Variants in ILDR1 observed in about 807,000 individuals in gnomAD.
ILDR1 encodes immunoglobulin like domain containing receptor 1.
A neutral mutation model predicts 62.4 loss-of-function variants in ILDR1; 56 were observed. The ratio of observed to expected loss-of-function variants is 0.90; its 90% CI spans 0.72 to 1.12. The LOEUF (loss-of-function observed/expected upper bound fraction) is 1.12. Among genes scored for constraint, ILDR1 ranks in the 50% most tolerant of loss-of-function variants. The pLI, the probability that ILDR1 is intolerant of heterozygous loss-of-function variation, is 0.00. For synonymous variants in ILDR1, 284 were observed against 277.8 expected, an observed-to-expected ratio of 1.02 and a Z score of -0.22; for missense variants, 736 against 710.6, an observed-to-expected ratio of 1.04 and a Z score of -0.41.
chr3:121,990,782 T>C (rs1238854312), intron 7 of ILDR1, among the ~76,000 whole-genome samples: 1 of 152,188 alleles, frequency 6.6e-6, no homozygotes, highest in African/African-American at 2.4e-5. Context: ...CATGAATTAT[T>C]GAAAGGGCAC....
chr3:122,037,908 G>C, the ILDR1 span, among the ~76,000 whole-genome samples: 1 of 151,998 alleles, frequency 6.6e-6, no homozygotes, highest in Non-Finnish European at 1.5e-5. Flanking sequence ...TGGCTTAAAA[G>C]TGTGTGGTAC....
At chr3:122,002,559 T>C (rs978375536) in intron 3 of ILDR1, among the ~76,000 whole-genome samples, 8 of 152,174 alleles carry the variant, frequency 5.3e-5, no homozygotes, top group Non-Finnish European at 1.5e-5. Context: ...GCACTCAGGT[T>C]TTTTGTGTAC....
At chr3:122,026,308 A>C (rs1419133218), upstream of ILDR1, among the ~76,000 whole-genome samples, 1 of 152,216 alleles carries the variant, frequency 6.6e-6, no homozygotes, top group Non-Finnish European at 1.5e-5. Context: ...AACTGTTACT[A>C]TAGTTAAGGT....
rs190964735 is a variant in ILDR1, at chr3:121,993,690, C to A, written c.1059G>T (p.Trp353Cys). The stretch of plus-strand genomic sequence containing the variant: ...AGGGCCTGGAGGGAATTGGGGTGAG[C>A]CACTGCTGGTGCAGGGAGTCACTGG... ...RRTSDSLHQQ[W>C]LTPIPSRPWD... The change falls in exon 7 of 8, where the codon TGG (tryptophan) becomes TGT (cysteine). Residue 353 changes from tryptophan to cysteine, a missense_variant. Coordinates refer to ENST00000344209, the MANE Select transcript of ILDR1 (RefSeq NM_001199799.2). The A allele has an allele frequency of 6.2e-7, 1 of 1,614,140 alleles. No individual in the cohort carries two copies. The highest frequency in any genetic ancestry group is 2.2e-5 in the East Asian group (1 of 44,880).
intron 5 of ILDR1, among the ~76,000 whole-genome samples, chr3:121,994,607 C>T (rs993588733): frequency 6.6e-6 from 1 of 152,172 alleles, no homozygotes; most frequent in Non-Finnish European, 1.5e-5. Flanking sequence ...CTAAGGTCAC[C>T]CAAAATGCAT....
chr3:121,996,280 T>C (rs2071434438), intron 5 of ILDR1, among the ~76,000 whole-genome samples: 2 of 152,232 alleles, frequency 1.3e-5, no homozygotes, highest in African/African-American at 4.8e-5. Flanking sequence ...CTTCCACAAA[T>C]AACTCTCTAA....
At chr3:122,055,501 G>A in the ILDR1 span, 2 of 1,614,024 alleles carry the variant, frequency 1.2e-6, no homozygotes, top group South Asian at 1.1e-5. Flanking sequence ...TGGATCCCCA[G>A]TGGTGAGTAA....
chr3:121,991,214 A>AG (rs1360349102), intron 7 of ILDR1, among the ~76,000 whole-genome samples: 3 of 152,020 alleles, frequency 2.0e-5, no homozygotes, highest in Non-Finnish European at 2.9e-5. Context: ...GAAAAAAAAA[A>AG]GAAAGCCTGG....
chr3:122,043,319 C>G, the ILDR1 span, among the ~76,000 whole-genome samples: 29 of 151,078 alleles, frequency 1.9e-4, no homozygotes, highest in Admixed American at 1.3e-4. Flanking sequence ...GTTACTGTAG[C>G]CTTGTAGTAT....
chr3:122,003,949 G>A (rs1402940634), intron 3 of ILDR1, among the ~76,000 whole-genome samples: 5 of 152,018 alleles, frequency 3.3e-5, no homozygotes, highest in Non-Finnish European at 4.4e-5. Flanking sequence ...CTTTGAAGAT[G>A]CCCCTGAAGA....
chr3:122,040,018 G>A, the ILDR1 span, among the ~76,000 whole-genome samples: 1 of 151,812 alleles, frequency 6.6e-6, no homozygotes, highest in Non-Finnish European at 1.5e-5. Context: ...AGCCTTAATG[G>A]ATACTAAAAT....
At chr3:122,000,648 T>G (rs150024711) in intron 5 of ILDR1, among the ~76,000 whole-genome samples, 2 of 152,350 alleles carry the variant, frequency 1.3e-5, no homozygotes, top group African/African-American at 4.8e-5. Flanking sequence ...TCATTGTAAC[T>G]CCCAGTTTAT....
At chr3:122,027,617 T>C in the ILDR1 span, among the ~76,000 whole-genome samples, 2 of 152,198 alleles carry the variant, frequency 1.3e-5, no homozygotes, top group Non-Finnish European at 2.9e-5. Context: ...CTAATAAGAA[T>C]CTGAAATTTT....
Position 121,993,958 on chromosome 3 carries a change from G to A in ILDR1, c.791C>T (p.Pro264Leu), listed in dbSNP as rs3915061. The stretch of plus-strand genomic sequence containing the variant: ...CATTGGCATCTGCGGGAGGCTGGAC[G>A]GCAGGGACAAATCTGAATGGAAACA... ...HPLLQRDLSLPSSLPQMPMTQ... is the reference protein window; with the variant it reads ...HPLLQRDLSLLSSLPQMPMTQ... The change falls in exon 7 of 8, where the codon CCG (proline) becomes CTG (leucine). Residue 264 changes from proline to leucine, a missense_variant. By Grantham distance (98) the Pro-to-Leu change is moderately conservative. Coordinates refer to ENST00000344209, the MANE Select transcript of ILDR1 (RefSeq NM_001199799.2). 24 of 1,610,038 alleles carry A rather than the reference G, an allele frequency of 1.5e-5. No homozygotes were observed. In the East Asian group the frequency reaches 2.7e-4, roughly 18 times the overall value.
At chr3:122,049,611 TTTATCA>T in the ILDR1 span, among the ~76,000 whole-genome samples, 1 of 152,240 alleles carries the variant, frequency 6.6e-6, no homozygotes, top group South Asian at 2.1e-4. Context: ...AATTGAACCT[TTTATCA>T]TTATATGATG....
the ILDR1 span, among the ~76,000 whole-genome samples, chr3:122,031,828 C>T: frequency 6.6e-6 from 1 of 152,172 alleles, no homozygotes; most frequent in African/African-American, 2.4e-5. Flanking sequence ...TTTTTTATAG[C>T]AGCCCAAATG....
chr3:122,058,565 T>C, the ILDR1 span, among the ~76,000 whole-genome samples: 1 of 151,804 alleles, frequency 6.6e-6, no homozygotes, highest in Non-Finnish European at 1.5e-5. Context: ...AATAGACAAA[T>C]GGGGTCTAGG....
At chr3:122,040,657 A>C in the ILDR1 span, among the ~76,000 whole-genome samples, 1 of 151,804 alleles carries the variant, frequency 6.6e-6, no homozygotes, top group Non-Finnish European at 1.5e-5. Flanking sequence ...CAAAGGAGCA[A>C]ATGGTATACA....
At chr3:122,017,921 G>A (rs1210578944) in intron 1 of ILDR1, among the ~76,000 whole-genome samples, 1 of 152,182 alleles carries the variant, frequency 6.6e-6, no homozygotes, top group African/African-American at 2.4e-5. Flanking sequence ...TGGAAAAATA[G>A]GAACGCTTTT....
Sources: gnomAD v4.1 joint callset for allele counts (sites outside exome capture counted in the v4.1 genomes callset) on GRCh38, gnomAD v4.1.1 for gene constraint, MANE v1.5 for transcripts, NCBI Gene and HGNC (gene_info 2026-07-23, HGNC 2026-07-21) for gene names.